TGFBR2: variants seen among roughly 807,000 people sequenced by gnomAD.
The protein encoded by TGFBR2 is transforming growth factor beta receptor 2, also known as TGF-beta receptor type-2.
A neutral mutation model predicts 49.0 loss-of-function variants in TGFBR2; 18 were observed. The ratio of observed to expected loss-of-function variants is 0.37; its 90% CI spans 0.25 to 0.54. TGFBR2 has a LOEUF of 0.54. Among genes scored for constraint, TGFBR2 ranks in the 20% least tolerant of loss-of-function variants. The probability of loss-of-function intolerance (pLI) is 0.85; values close to 1 mark genes in which losing one functional copy is unlikely to be tolerated. For synonymous variants in TGFBR2, 282 were observed against 275.9 expected, an observed-to-expected ratio of 1.02 and a Z score of -0.22; for missense variants, 525 against 722.6, an observed-to-expected ratio of 0.73 and a Z score of 3.13.
At chr3:30,686,474 A>G (rs1185475480) in intron 5 of TGFBR2, among the ~76,000 whole-genome samples, 1 of 152,190 alleles carries the variant, frequency 6.6e-6, no homozygotes, top group Non-Finnish European at 1.5e-5. Flanking sequence ...AAACTATAAA[A>G]AAGAAAATAT....
intron 3 of TGFBR2, among the ~76,000 whole-genome samples, chr3:30,669,121 CAAAAAAAAAAAAAA>C (rs56069409): frequency 6.0e-5 from 5 of 83,476 alleles, no homozygotes; most frequent in Admixed American, 3.1e-4. Context: ...ACTAAAAATA[CAAAAAAAAAAAAAA>C]AAAAAAAAAA....
At position 30,666,568 on chromosome 3, in the gene TGFBR2, AG is replaced by A. The variant is rs1699246386; in HGVS notation, c.455-5069del. On this transcript the variant is annotated intron_variant, in intron 3 of 6. Transcript: ENST00000295754. Reference sequence around the variant, plus strand: ...AATCACTTAGTCCAGGCTACACTAAAGAAAAACACTTTATCAAATTGGGAGC... The same window carrying A: ...AATCACTTAGTCCAGGCTACACTAAAAAAAACACTTTATCAAATTGGGAGC... Among the ~76,000 whole-genome samples, 5 of 152,242 alleles carry A rather than the reference AG, an allele frequency of 3.3e-5. 1 individual carries two copies. In the South Asian group the frequency reaches 1.0e-3, roughly 32 times the overall value.
chr3:30,607,242 C>G (rs1020890918), intron 1 of TGFBR2, among the ~76,000 whole-genome samples: 1 of 152,218 alleles, frequency 6.6e-6, no homozygotes, highest in African/African-American at 2.4e-5. Context: ...TTGTGTTGGC[C>G]GCGTTCGAGG....
Position 30,681,297 on chromosome 3 carries a change from G to C in TGFBR2, c.1396+7051G>C, listed in dbSNP as rs3773657. Reference sequence around the variant, plus strand: ...AGGATTGAAACGCTTCATTTTCCTGGATTTCAAGGGAGCACAGTCTGGAAA... The same window carrying C: ...AGGATTGAAACGCTTCATTTTCCTGCATTTCAAGGGAGCACAGTCTGGAAA... On this transcript the variant is annotated intron_variant, in intron 5 of 6. Transcript: ENST00000295754. 3.9e-5 allele frequency among the ~76,000 whole-genome samples: 6 copies of C among 152,238 alleles called. No homozygotes were observed. In the East Asian group the frequency reaches 1.2e-3, roughly 29 times the overall value.
At chr3:30,620,244 C>T (rs1017514678) in intron 1 of TGFBR2, among the ~76,000 whole-genome samples, 4 of 152,128 alleles carry the variant, frequency 2.6e-5, no homozygotes, top group Non-Finnish European at 5.9e-5. Context: ...GAGGGAGAAA[C>T]TTCTGTCTGA....
rs1575143101 is a variant in TGFBR2, at chr3:30,643,610, C to T, written c.95-1137C>T. ...TTCTGTATCCTATCCTACATGGCAT[C>T]AAGGGCCAAACATGGACTCCTTGTA... On this transcript the variant is annotated intron_variant, in intron 1 of 6. Transcript: ENST00000295754. Among the ~76,000 whole-genome samples, 3 of 152,208 alleles carry T rather than the reference C, an allele frequency of 2.0e-5. No individual in the cohort carries two copies. In the East Asian group the frequency reaches 5.8e-4, roughly 29 times the overall value.
intron 6 of TGFBR2, among the ~76,000 whole-genome samples, chr3:30,688,760 G>A (rs1049003770): frequency 6.6e-6 from 1 of 152,302 alleles, no homozygotes; most frequent in African/African-American, 2.4e-5. Context: ...CATTTTCCAA[G>A]CCCCCTTGGT....
At chr3:30,649,610 T>C (rs369191967) in intron 2 of TGFBR2, among the ~76,000 whole-genome samples, 65 of 151,146 alleles carry the variant, frequency 4.3e-4, no homozygotes, top group African/African-American at 1.6e-3. Flanking sequence ...TATTTATTTG[T>C]TTTTTTTGTT....
rs956695120 is a variant in TGFBR2 at position 30,672,492 on chromosome 3, C to A, written c.1254+55C>A. On this transcript the variant is annotated intron_variant, in intron 4 of 6. Transcript: ENST00000295754. This position sits in a 1 kb window ranked among gnomAD's most constrained non-coding sequence, Gnocchi z 4.5. ...TACCTTGAGCCTGGCCTCACCCTAC[C>A]TCTTGATCCATATCTCCTGGCTCTT... is the stretch of plus-strand genomic sequence containing the variant. 1 of 1,570,488 alleles carries A rather than the reference C, an allele frequency of 6.4e-7. No homozygotes were observed. Among genetic ancestry groups the A allele is most frequent in the African/African-American group, 1.3e-5 (1 of 74,128 alleles).
At chr3:30,642,814 A>G (rs1050103972) in intron 1 of TGFBR2, among the ~76,000 whole-genome samples, 1 of 152,184 alleles carries the variant, frequency 6.6e-6, no homozygotes, top group Non-Finnish European at 1.5e-5. Context: ...ATACATATTA[A>G]TTGTTGTGTT....
chr3:30,684,663 G>A (rs1400038741), intron 5 of TGFBR2, among the ~76,000 whole-genome samples: 4 of 152,144 alleles, frequency 2.6e-5, no homozygotes, highest in Non-Finnish European at 5.9e-5. Flanking sequence ...TCCCTTCCTT[G>A]TGAAATTACC....
chr3:30,687,737 G>C (rs9843143), intron 5 of TGFBR2, among the ~76,000 whole-genome samples: 90,041 of 151,986 alleles, frequency 0.59, 28,723 homozygotes, highest in African/African-American at 0.85. Flanking sequence ...ATAACTTTTC[G>C]TACCCTTTCC....
chr3:30,621,324 A>C (rs1364901190), intron 1 of TGFBR2, among the ~76,000 whole-genome samples: 1 of 118,898 alleles, frequency 8.4e-6, no homozygotes, highest in Non-Finnish European at 1.6e-5. Context: ...CTTCTCACCC[A>C]GGCTGGAGTA....
At chr3:30,627,259 C>T (rs1423519440) in intron 1 of TGFBR2, among the ~76,000 whole-genome samples, 2 of 152,154 alleles carry the variant, frequency 1.3e-5, no homozygotes, top group Non-Finnish European at 2.9e-5. Flanking sequence ...AAAATGCCTT[C>T]TTTTTCCTAG....
intron 1 of TGFBR2, among the ~76,000 whole-genome samples, chr3:30,613,547 AGAG>A (rs1698071634): frequency 6.6e-6 from 1 of 151,838 alleles, no homozygotes. Context: ...AGAGAGAGAG[AGAG>A]AAAGAGAGAG....
intron 1 of TGFBR2, among the ~76,000 whole-genome samples, chr3:30,618,798 A>C (rs954354685): frequency 1.3e-5 from 2 of 152,188 alleles, no homozygotes; most frequent in Non-Finnish European, 2.9e-5. Flanking sequence ...TATTTGTCTG[A>C]TGCTCAGTGA....
chr3:30,643,909 G>C lies in TGFBR2; in HGVS notation c.95-838G>C, dbSNP rs1189057619. On this transcript the variant is annotated intron_variant, in intron 1 of 6. Transcript: ENST00000295754. ...TAAACAAAGGTAATAGCAAGTGAAA[G>C]GCCTGAGGAGGGAATGAACTTGGCT... Among the ~76,000 whole-genome samples the C allele has an allele frequency of 2.6e-5, 4 of 152,196 alleles. No individual in the cohort carries two copies. The East Asian group carries it at 7.7e-4, about 29-fold the overall frequency.
intron 5 of TGFBR2, among the ~76,000 whole-genome samples, chr3:30,681,160 GAAAAAAA>G (rs55729736): frequency 0.024 from 2,023 of 82,958 alleles, 66 homozygotes; most frequent in African/African-American, 0.094. Context: ...CTTGTGAGAT[GAAAAAAA>G]AAAAAAAAAA....
At chr3:30,658,269 C>T (rs1699045584) in intron 3 of TGFBR2, among the ~76,000 whole-genome samples, 1 of 152,182 alleles carries the variant, frequency 6.6e-6, no homozygotes, top group South Asian at 2.1e-4. Flanking sequence ...CAAATATGTA[C>T]CTACACATTT....
Sources: allele counts gnomAD v4.1 joint callset (sites outside exome capture counted in the v4.1 genomes callset), GRCh38; gene constraint gnomAD v4.1.1; non-coding constraint Gnocchi (gnomAD v3.1); transcripts MANE v1.5; gene names NCBI Gene and HGNC (gene_info 2026-07-23, HGNC 2026-07-21).